The following SIL1 variants were observed in gnomAD, a reference collection of about 807,000 sequenced individuals.
SIL1 encodes the protein nucleotide exchange factor SIL1.
Under a neutral mutation model 49.1 loss-of-function variants are expected in SIL1, and 40 were observed. The observed-to-expected ratio is 0.81, with a 90% confidence interval of 0.63 to 1.06. The LOEUF is 1.06. Ranked by LOEUF, SIL1 falls within the 50% of genes least tolerant of loss-of-function variation. The probability of loss-of-function intolerance (pLI) is 0.00; values close to 1 mark genes in which losing one functional copy is unlikely to be tolerated. For synonymous variants in SIL1, 253 were observed against 250.8 expected (o/e 1.01, Z -0.08); for missense variants, 500 against 572.6 (o/e 0.87, Z 1.29).
intron 3 of SIL1, among the ~76,000 whole-genome samples, chr5:139,081,323 T>C (rs1350671761): frequency 1.3e-5 from 2 of 152,220 alleles, no homozygotes; most frequent in African/African-American, 4.8e-5. Context: ...GGCACAATTA[T>C]GGCTCACTGC....
At chr5:139,029,660 G>T (rs911858009) in intron 5 of SIL1, among the ~76,000 whole-genome samples, 1 of 151,594 alleles carries the variant, frequency 6.6e-6, no homozygotes, top group Admixed American at 6.6e-5. Context: ...CACCACGCCT[G>T]GCTAAAATTT....
chr5:139,107,335 G>T (rs1288082267), intron 3 of SIL1, among the ~76,000 whole-genome samples: 1 of 151,920 alleles, frequency 6.6e-6, no homozygotes, highest in African/African-American at 2.4e-5. Flanking sequence ...AGATCACTTA[G>T]ACATTATTCT....
At chr5:139,121,306 C>A in intron 2 of SIL1, 133 bp from the exon 3 acceptor site, 2 of 1,211,210 alleles carry the variant, frequency 1.7e-6, no homozygotes, top group Non-Finnish European at 2.4e-6. Flanking sequence ...TGGACACTCG[C>A]AATTCCTTTC....
At chr5:139,151,538 G>T (rs1480993685) in intron 1 of SIL1, among the ~76,000 whole-genome samples, 1 of 152,178 alleles carries the variant, frequency 6.6e-6, no homozygotes, top group Non-Finnish European at 1.5e-5. Context: ...GTGGGGCCTT[G>T]TGGTTTCTTT....
chr5:139,026,994 T>A lies in SIL1; in HGVS notation c.454-2A>T. On this transcript the variant is annotated splice_acceptor_variant, in intron 5 of 9. Transcript: ENST00000394817. LOFTEE classifies it high-confidence loss of function. ...CCGCTTTACCTCAGCCTGCCTTGCC[T>A]AAGGAGAGCAGCAAAGAGGTGATTA... The A allele has an allele frequency of 3.7e-6, 6 of 1,614,138 alleles. No individual in the cohort carries two copies. The highest frequency in any genetic ancestry group is 5.1e-6 in the Non-Finnish European group (6 of 1,180,028).
chr5:139,037,369 G>GT (rs1394735869), intron 5 of SIL1, among the ~76,000 whole-genome samples: 14 of 152,138 alleles, frequency 9.2e-5, no homozygotes, highest in African/African-American at 3.4e-4. Context: ...TTATGAATCT[G>GT]TGAGTTTATG....
At chr5:138,977,113 G>A (rs556077696) in intron 7 of SIL1, among the ~76,000 whole-genome samples, 30 of 152,284 alleles carry the variant, frequency 2.0e-4, no homozygotes, top group African/African-American at 7.0e-4. Flanking sequence ...TGCTCTACTC[G>A]TCTCAGGACC....
chr5:139,076,314 T>C (rs990524595), intron 3 of SIL1, among the ~76,000 whole-genome samples: 11 of 152,216 alleles, frequency 7.2e-5, no homozygotes, highest in Admixed American at 6.5e-5. Flanking sequence ...TGTAACAAAA[T>C]CAGAGTTATC....
intron 7 of SIL1, among the ~76,000 whole-genome samples, chr5:138,998,797 T>C (rs1040808365): frequency 5.3e-5 from 8 of 151,938 alleles, no homozygotes; most frequent in Admixed American, 2.0e-4. Context: ...CTGGGAATTA[T>C]CTTTCTTTTT....
At chr5:138,982,315 G>A (rs1385498735) in intron 7 of SIL1, among the ~76,000 whole-genome samples, 1 of 152,206 alleles carries the variant, frequency 6.6e-6, no homozygotes, top group African/African-American at 2.4e-5. Flanking sequence ...GGCCCCATTT[G>A]TTCTCATCAC....
At chr5:139,168,619 A>G (rs1332079954) in intron 1 of SIL1, among the ~76,000 whole-genome samples, 2 of 118,422 alleles carry the variant, frequency 1.7e-5, no homozygotes, top group African/African-American at 2.8e-5. Flanking sequence ...TAAAGGGCCA[A>G]TGCTTTTTTT....
chr5:138,977,623 G>A lies in SIL1; in HGVS notation c.768-25739C>T, dbSNP rs542448766. Among the ~76,000 whole-genome samples, 2 of 152,148 alleles carry A rather than the reference G, an allele frequency of 1.3e-5. 1 individual carries two copies. Among genetic ancestry groups the A allele is most frequent in the South Asian group, 4.1e-4 (2 of 4,824 alleles). On this transcript the variant is annotated intron_variant, in intron 7 of 9. Transcript: ENST00000394817. ...CCCAAAGTGCTGGGATTACAGGTGT[G>A]AGCCACTGAGCCAAGCCAGGGGATC...
rs1769097261 is a variant in SIL1 at position 139,043,836 on chromosome 5, G to A, written c.354-1117C>T. Among the ~76,000 whole-genome samples the A allele has an allele frequency of 2.6e-5, 4 of 152,332 alleles. No individual in the cohort carries two copies. The South Asian group carries it at 8.3e-4, about 32-fold the overall frequency. On this transcript the variant is annotated intron_variant, in intron 4 of 9. Transcript: ENST00000394817. ...GAATGATGTGCACGAAGGGAAGAGT[G>A]GAGTATGGAATGTGCTTAACAAGAC... is the stretch of plus-strand genomic sequence containing the variant.
intron 1 of SIL1, among the ~76,000 whole-genome samples, chr5:139,135,807 G>T (rs1430532712): frequency 6.6e-6 from 1 of 151,958 alleles, no homozygotes; most frequent in Non-Finnish European, 1.5e-5. Flanking sequence ...GCTCACACCT[G>T]TAATCCCAGT....
At chr5:139,141,008 TGTCCTGCCAAGAC>T (rs1368279176) in intron 1 of SIL1, among the ~76,000 whole-genome samples, 1 of 152,114 alleles carries the variant, frequency 6.6e-6, no homozygotes, top group Non-Finnish European at 1.5e-5. Context: ...GAACTGACAC[TGTCCTGCCAAGAC>T]GTCCCCCCGC....
At chr5:138,973,981 T>C (rs959149656) in intron 7 of SIL1, among the ~76,000 whole-genome samples, 2 of 152,222 alleles carry the variant, frequency 1.3e-5, no homozygotes, top group Admixed American at 1.3e-4. Context: ...ATCACGCTTC[T>C]ACACATGCTA....
chr5:139,117,410 A>AG (rs1771016057), intron 3 of SIL1, among the ~76,000 whole-genome samples: 3 of 152,172 alleles, frequency 2.0e-5, no homozygotes, highest in Admixed American at 2.0e-4. Flanking sequence ...TGCCTGGCAG[A>AG]GTCAGTGCTC....
At chr5:139,087,083 A>G (rs1449817876) in intron 3 of SIL1, among the ~76,000 whole-genome samples, 2 of 152,042 alleles carry the variant, frequency 1.3e-5, no homozygotes, top group African/African-American at 2.4e-5. Context: ...TCCACCCACC[A>G]CAGCCTCCAC....
At chr5:139,158,364 T>C (rs535507623) in intron 1 of SIL1, among the ~76,000 whole-genome samples, 1 of 152,350 alleles carries the variant, frequency 6.6e-6, no homozygotes, top group East Asian at 1.9e-4. Context: ...AAAATGTTCT[T>C]AGAATTCTGT....
Sources: allele counts gnomAD v4.1 joint callset (sites outside exome capture counted in the v4.1 genomes callset), GRCh38; gene constraint gnomAD v4.1.1; transcripts MANE v1.5; gene names NCBI Gene and HGNC (gene_info 2026-07-23, HGNC 2026-07-21).